The following FAM174B variants were observed in gnomAD, a reference collection of about 807,000 sequenced individuals.
FAM174B encodes family with sequence similarity 174 member B.
FAM174B carries 12 observed loss-of-function variants against 10.9 expected under a neutral mutation model. The ratio of observed to expected loss-of-function variants is 1.10; its 90% CI spans 0.71 to 1.79. The LOEUF is 1.79. FAM174B is among the 40% of genes most tolerant of loss of function. FAM174B has a pLI of 0.00. For synonymous variants in FAM174B, 132 were observed against 115.8 expected, an observed-to-expected ratio of 1.14 and a Z score of -0.90; for missense variants, 266 against 233.3, an observed-to-expected ratio of 1.14 and a Z score of -0.91.
At chr15:92,652,787 C>T (rs2050975330) in intron 1 of FAM174B, among the ~76,000 whole-genome samples, 1 of 152,086 alleles carries the variant, frequency 6.6e-6, no homozygotes, top group African/African-American at 2.4e-5. Context: ...GACTCGGTGC[C>T]CGCAGGCTAA....
At chr15:92,631,187 T>C (rs2050798963) in intron 1 of FAM174B, among the ~76,000 whole-genome samples, 1 of 29,362 alleles carries the variant, frequency 3.4e-5, no homozygotes, top group African/African-American at 1.0e-4. Context: ...TATTATATTA[T>C]ATATTATATA....
chr15:92,630,150 A>C (rs1596296189), intron 2 of FAM174B, 64 bp downstream of exon 2: 2 of 1,563,612 alleles, frequency 1.3e-6, no homozygotes, highest in Non-Finnish European at 1.8e-6. Context: ...ACCATGCCTG[A>C]CCTCGAGGTC....
At position 92,631,413 on chromosome 15, in the gene FAM174B, A is replaced by AT. The variant is rs2050814486; in HGVS notation, c.345-1069_345-1068insA. Among the ~76,000 whole-genome samples, 10 of 41,442 alleles carry AT rather than the reference A, an allele frequency of 2.4e-4. 1 individual carries two copies. The highest frequency in any genetic ancestry group is 1.0e-3 in the South Asian group (2 of 1,970). The allele number at this position is 41,442 out of a possible 152,430, so 27.2% of individuals were successfully genotyped here. On this transcript the variant is annotated intron_variant, in intron 1 of 2. Coordinates refer to ENST00000327355, the MANE Select transcript of FAM174B (RefSeq NM_207446.3). ...TTATATATTATATTATATTATATAT[A>AT]ATATATAATATATAATATAATATAT...
Position 92,618,747 on chromosome 15 carries a change from C to A in FAM174B, c.*709G>T, listed in dbSNP as rs2050697249. 1 of 49,058 alleles carries A rather than the reference C, an allele frequency of 2.0e-5. No individual in the cohort carries two copies. The highest frequency in any genetic ancestry group is 3.9e-5 in the Non-Finnish European group (1 of 25,886). 3.0% of individuals were successfully genotyped at this position (49,058 alleles called of 1,614,324 possible). On this transcript the variant is annotated 3_prime_UTR_variant, in exon 3 of 3. Transcript: ENST00000327355. ...ACACGTGCACACGCACACACGTGCA[C>A]ACACACACACACACACACGCACAGT...
Position 92,640,657 on chromosome 15 carries a change from G to GT in FAM174B, c.345-10313dup, listed in dbSNP as rs112536221. 4.1e-3 allele frequency among the ~76,000 whole-genome samples: 565 copies of GT among 137,200 alleles called. 6 individuals carry two copies. The highest frequency in any genetic ancestry group is 0.013 in the African/African-American group (473 of 37,250). The allele number at this position is 137,200 out of a possible 152,430, so 90.0% of individuals were successfully genotyped here. ...TTTTGGTTTTTGTTTTTTGGTTTTT[G>GT]TTTTTTTTTAAGACACAGTCTCACT... On this transcript the variant is annotated intron_variant, in intron 1 of 2. Coordinates refer to ENST00000327355, the MANE Select transcript of FAM174B (RefSeq NM_207446.3).
chr15:92,652,702 C>A (rs1221161087), intron 1 of FAM174B, among the ~76,000 whole-genome samples: 1 of 152,070 alleles, frequency 6.6e-6, no homozygotes, highest in Non-Finnish European at 1.5e-5. Context: ...CGGCAGGTGG[C>A]GAAGCTTCAC....
chr15:92,636,246 G>A (rs542386269), intron 1 of FAM174B, among the ~76,000 whole-genome samples: 1 of 152,114 alleles, frequency 6.6e-6, no homozygotes, highest in African/African-American at 2.4e-5. Context: ...CCCAGGAGAC[G>A]GAGGTTGCAA....
chr15:92,644,862 T>C (rs1430271727), intron 1 of FAM174B, among the ~76,000 whole-genome samples: 1 of 152,146 alleles, frequency 6.6e-6, no homozygotes, highest in Non-Finnish European at 1.5e-5. Context: ...GGAACAGAGG[T>C]CTTGCACTTC....
intron 1 of FAM174B, among the ~76,000 whole-genome samples, chr15:92,640,388 C>A (rs1413602813): frequency 1.3e-5 from 2 of 151,626 alleles, no homozygotes; most frequent in African/African-American, 2.4e-5. Flanking sequence ...CCCATCTCTA[C>A]CAAAAATACA....
At position 92,617,574 on chromosome 15, in the gene FAM174B, G is replaced by A. The variant is rs549893510; in HGVS notation, c.*1882C>T. On this transcript the variant is annotated 3_prime_UTR_variant, in exon 3 of 3. Coordinates refer to ENST00000327355, the MANE Select transcript of FAM174B (RefSeq NM_207446.3). The stretch of plus-strand genomic sequence containing the variant: ...GGCAAGCACCTGGCAGATGGAGCCC[G>A]GGTGTTTCTGCGTAAGGCAGAGGAA... 40 of 561,346 alleles carry A rather than the reference G, an allele frequency of 7.1e-5. No homozygotes were observed. Among genetic ancestry groups the A allele is most frequent in the African/African-American group, 2.8e-4 (14 of 50,670 alleles). The allele number at this position is 561,346 out of a possible 1,614,324, so 34.8% of individuals were successfully genotyped here. A position where few individuals can be genotyped will look rare whatever the true frequency, so the allele number is the denominator to read the frequency against.
rs2050926314 is a variant in FAM174B, at chr15:92,646,212, C to G, written c.344+9104G>C. Among the ~76,000 whole-genome samples, 3 of 152,174 alleles carry G rather than the reference C, an allele frequency of 2.0e-5. No individual in the cohort carries two copies. In the South Asian group the frequency reaches 6.2e-4, roughly 32 times the overall value. ...TGGTAAATCCTTGGTACAACCTGAT[C>G]TGGACCAACATTTCTAGAGAAGCCC... On this transcript the variant is annotated intron_variant, in intron 1 of 2. Coordinates refer to ENST00000327355, the MANE Select transcript of FAM174B (RefSeq NM_207446.3).
intron 2 of FAM174B, among the ~76,000 whole-genome samples, chr15:92,629,577 A>G (rs971779805): frequency 2.0e-5 from 3 of 152,220 alleles, no homozygotes; most frequent in Admixed American, 6.5e-5. Context: ...GTGGACAACT[A>G]GCTCATTGTC....
chr15:92,634,480 G>A (rs1049243919), intron 1 of FAM174B: 11 of 152,068 alleles, frequency 7.2e-5, no homozygotes, highest in Non-Finnish European at 1.2e-4. Flanking sequence ...TATCATTCAC[G>A]TATATAGAGT....
chr15:92,631,366 ATT>A (rs2050811373), intron 1 of FAM174B, among the ~76,000 whole-genome samples: 1 of 38,930 alleles, frequency 2.6e-5, no homozygotes, highest in African/African-American at 1.4e-4. Flanking sequence ...TATATATTAT[ATT>A]ATATATAATA....
At position 92,619,184 on chromosome 15, in the gene FAM174B, A is replaced by G. The variant is rs759577195; in HGVS notation, c.*272T>C. On this transcript the variant is annotated 3_prime_UTR_variant, in exon 3 of 3. Transcript: ENST00000327355. ...CCCTTTGCTCCTTAGCAAGGCACAA[A>G]GCCTCTTACATGGGGAGTAGAAGTA... 1 of 702,412 alleles carries G rather than the reference A, an allele frequency of 1.4e-6. No homozygotes were observed. Among genetic ancestry groups the G allele is most frequent in the South Asian group, 1.5e-5 (1 of 67,566 alleles). The allele number at this position is 702,412 out of a possible 1,614,324, so 43.5% of individuals were successfully genotyped here.
In FAM174B at chr15:92,617,581, T is replaced by G; in HGVS notation, c.*1875A>C. 1.7e-6 allele frequency: 1 copy of G among 587,806 alleles called. No individual in the cohort carries two copies. Among genetic ancestry groups the G allele is most frequent in the South Asian group, 2.0e-5 (1 of 50,136 alleles). 36.4% of individuals were successfully genotyped at this position (587,806 alleles called of 1,614,324 possible). A position where few individuals can be genotyped will look rare whatever the true frequency, so the allele number is the denominator to read the frequency against. ...ACCTGGCAGATGGAGCCCGGGTGTT[T>G]CTGCGTAAGGCAGAGGAATCCAGCT... On this transcript the variant is annotated 3_prime_UTR_variant, in exon 3 of 3. Coordinates refer to ENST00000327355, the MANE Select transcript of FAM174B (RefSeq NM_207446.3).
In FAM174B at chr15:92,619,099, C is replaced by T. The variant is rs1430181164; in HGVS notation, c.*357G>A. 6.2e-6 allele frequency: 4 copies of T among 643,376 alleles called. No individual in the cohort carries two copies. Among genetic ancestry groups the T allele is most frequent in the Non-Finnish European group, 1.1e-5 (4 of 358,314 alleles). 39.9% of individuals were successfully genotyped at this position (643,376 alleles called of 1,614,324 possible). A position where few individuals can be genotyped will look rare whatever the true frequency, so the allele number is the denominator to read the frequency against. On this transcript the variant is annotated 3_prime_UTR_variant, in exon 3 of 3. Transcript: ENST00000327355. ...GTTTTAGATTCTTGATCCTCCTGAT[C>T]TCTTTTACTATTGTCAACAATTGTC...
rs1045230254 is a variant in FAM174B, at chr15:92,619,584, A to G, written c.477-125T>C. On this transcript the variant is annotated intron_variant, in intron 2 of 2. Transcript: ENST00000327355. ...TGAAAAGGCCACAGTCCCCAGCCAC[A>G]GGACCTTTGAGCGTGCTGTCTGGAA... 4.5e-6 allele frequency: 5 copies of G among 1,103,240 alleles called. No individual in the cohort carries two copies. In the African/African-American group the frequency reaches 6.3e-5, roughly 14 times the overall value. 68.3% of individuals were successfully genotyped at this position (1,103,240 alleles called of 1,614,324 possible). A position where few individuals can be genotyped will look rare whatever the true frequency, so the allele number is the denominator to read the frequency against.
intron 1 of FAM174B, among the ~76,000 whole-genome samples, chr15:92,651,958 A>C (rs73460412): frequency 0.034 from 5,166 of 152,288 alleles, 180 homozygotes; most frequent in African/African-American, 0.086. Context: ...ATAGGCTAGG[A>C]CTGCCATTTT....
Sources: allele counts gnomAD v4.1 joint callset (sites outside exome capture counted in the v4.1 genomes callset), GRCh38; gene constraint gnomAD v4.1.1; transcripts MANE v1.5; gene names NCBI Gene and HGNC (gene_info 2026-07-23, HGNC 2026-07-21).